Variants in TAB3 observed in about 807,000 individuals in gnomAD.
TAB3 encodes the protein TGF-beta-activated kinase 1 and MAP3K7-binding protein 3.
A neutral mutation model predicts 48.1 loss-of-function variants in TAB3; 18 were observed. The observed-to-expected ratio is 0.37, with a 90% CI of 0.26 to 0.55. The LOEUF is 0.55. TAB3 is among the 20% of genes least tolerant of loss of function. The probability of loss-of-function intolerance (pLI) is 0.78; values close to 1 mark genes in which losing one functional copy is unlikely to be tolerated. For synonymous variants in TAB3, 185 were observed against 190.2 expected (o/e 0.97, Z 0.22); for missense variants, 414 against 549.8 (o/e 0.75, Z 2.47).
intron 1 of TAB3, among the ~76,000 whole-genome samples, chrX:30,876,226 G>C (rs1274931104): frequency 8.9e-6 from 1 of 111,732 alleles, no homozygotes; most frequent in Admixed American, 9.5e-5. Context: ...ATTCCCTTAA[G>C]CAGATGTACA....
chrX:30,854,214 T>C lies in TAB3; in HGVS notation c.1451A>G (p.Gln484Arg), dbSNP rs776130541. ...AGAGCCTGGTATCACTGAAATGGGCTGAATAGGTTCTGGTGCTGCAGAGCG... is the reference window on the plus strand; with the variant it reads ...AGAGCCTGGTATCACTGAAATGGGCCGAATAGGTTCTGGTGCTGCAGAGCG... ...EERSAAPEPIQPISVIPGSGG... is the reference protein window; with the variant it reads ...EERSAAPEPIRPISVIPGSGG... Residue 484 changes from glutamine (Q) to arginine (R), a missense_variant, in exon 6 of 11, where the codon CAG becomes CGG. By Grantham distance (43) the Gln-to-Arg change is conservative (BLOSUM62 1). Transcript: ENST00000288422. 1.7e-6 allele frequency: 2 copies of C among 1,209,935 alleles called. No individual in the cohort carries two copies. The highest frequency in any genetic ancestry group is 3.5e-5 in the African/African-American group (2 of 57,151).
chrX:30,842,546 A>T (rs933719731), intron 9 of TAB3, among the ~76,000 whole-genome samples: 2 of 112,166 alleles, frequency 1.8e-5, no homozygotes, highest in African/African-American at 6.5e-5. Flanking sequence ...TAATTTCAGT[A>T]CTTTTTAAAA....
chrX:30,848,131 A>G (rs767408698), intron 7 of TAB3, among the ~76,000 whole-genome samples: 1 of 112,173 alleles, frequency 8.9e-6, no homozygotes, highest in Admixed American at 9.5e-5. Flanking sequence ...AGGATTATCT[A>G]TTCCATAGGT....
intron 8 of TAB3, chrX:30,845,981 T>A (rs1191618326): frequency 2.0e-6 from 2 of 1,005,585 alleles, no homozygotes; most frequent in South Asian, 2.0e-5. Context: ...TGGACATCAG[T>A]CAGTATATTT....
At position 30,867,519 on chromosome X, in the gene TAB3, G is replaced by A. The variant is rs1939447118; in HGVS notation, c.-249C>T. 1.8e-5 allele frequency: 2 copies of A among 111,632 alleles called. No homozygotes were observed. Among genetic ancestry groups the A allele is most frequent in the South Asian group, 7.5e-4 (2 of 2,651 alleles). The allele number at this position is 111,632 out of a possible 1,213,427, so 9.2% of individuals were successfully genotyped here. A position where few individuals can be genotyped will look rare whatever the true frequency, so the allele number is the denominator to read the frequency against. ...AAATTTTATTCACATCTCCAGCTCT[G>A]AAAGCAACTTCTTTTCAGTAGTCTA... is the stretch of plus-strand genomic sequence containing the variant. On this transcript the variant is annotated 5_prime_UTR_variant, in exon 3 of 11. Coordinates refer to ENST00000288422, the MANE Select transcript of TAB3 (RefSeq NM_152787.5).
intron 7 of TAB3, among the ~76,000 whole-genome samples, chrX:30,850,014 C>T (rs1938776632): frequency 8.9e-6 from 1 of 111,749 alleles, no homozygotes; most frequent in Admixed American, 9.5e-5. Context: ...AGAAAAATCC[C>T]GTAAGATGAG....
chrX:30,879,784 G>A, intron 1 of TAB3, among the ~76,000 whole-genome samples: 1 of 111,464 alleles, frequency 9.0e-6, no homozygotes, highest in East Asian at 2.8e-4. Flanking sequence ...ATTTCGAAAG[G>A]AAGAAACAAG....
At chrX:30,862,573 G>C (rs1939282524) in intron 4 of TAB3, among the ~76,000 whole-genome samples, 1 of 111,649 alleles carries the variant, frequency 9.0e-6, no homozygotes, top group Non-Finnish European at 1.9e-5. Flanking sequence ...AGCTTTGTCA[G>C]AGCCTTCAGA....
At chrX:30,866,558 C>T (rs993579154) in intron 4 of TAB3, among the ~76,000 whole-genome samples, 1 of 110,654 alleles carries the variant, frequency 9.0e-6, no homozygotes, top group African/African-American at 3.3e-5. Flanking sequence ...GTCGAAATGA[C>T]ACAGGAGCCA....
At chrX:30,849,222 T>C (rs1284549622) in intron 7 of TAB3, among the ~76,000 whole-genome samples, 1 of 112,359 alleles carries the variant, frequency 8.9e-6, no homozygotes, top group Non-Finnish European at 1.9e-5. Context: ...ATGACATCTT[T>C]GTCAGCATTT....
rs761958396 is a variant in TAB3 at position 30,868,615 on chromosome X, AGAGC to A, written c.-279-1070_-279-1067del. ...GAGAGAGAGAGAGAGAGAGAGAGAGAGAGCGCGTGGGGGGGAGAGACAGAGAGAG... is the reference window on the plus strand; with the variant it reads ...GAGAGAGAGAGAGAGAGAGAGAGAGAGCGTGGGGGGGAGAGACAGAGAGAG... On this transcript the variant is annotated intron_variant, in intron 2 of 10. Transcript: ENST00000288422. 5.9e-3 allele frequency among the ~76,000 whole-genome samples: 428 copies of A among 72,405 alleles called. 113 individuals are homozygous for A. The highest frequency in any genetic ancestry group is 7.4e-3 in the African/African-American group (138 of 18,532). The allele number at this position is 72,405 out of a possible 115,157, so 62.9% of individuals were successfully genotyped here. A position where few individuals can be genotyped will look rare whatever the true frequency, so the allele number is the denominator to read the frequency against.
rs1214818376 is a variant in TAB3, at chrX:30,854,237, G to A, written c.1428C>T (p.Arg476=). ...NLLNLVDQEE[R]SAAPEPIQPI... ...GCTGAATAGGTTCTGGTGCTGCAGA[G>A]CGCTCTTCTTGGTCCACTAAATTTA... Residue 476 remains arginine (R), a synonymous_variant, in exon 6 of 11, where the codon CGC becomes CGT. Coordinates refer to ENST00000288422, the MANE Select transcript of TAB3 (RefSeq NM_152787.5). The A allele has an allele frequency of 1.7e-6, 2 of 1,211,704 alleles. No homozygotes were observed. Among genetic ancestry groups the A allele is most frequent in the Non-Finnish European group, 2.2e-6 (2 of 895,557 alleles).
At chrX:30,839,547 G>C (rs1441830595) in intron 9 of TAB3, among the ~76,000 whole-genome samples, 1 of 110,647 alleles carries the variant, frequency 9.0e-6, no homozygotes, top group Non-Finnish European at 1.9e-5. Context: ...AAAAAAGATG[G>C]GGTACAACAC....
chrX:30,846,418 G>T (rs1410633178), intron 8 of TAB3, 133 bp downstream of exon 8: 1 of 446,668 alleles, frequency 2.2e-6, no homozygotes, highest in East Asian at 3.9e-5. Context: ...GGGACAGGGG[G>T]ATCTCTTTCC....
chrX:30,883,338 C>T (rs5972257), intron 1 of TAB3, among the ~76,000 whole-genome samples: 12,615 of 111,538 alleles, frequency 0.11, 1,606 homozygotes, highest in African/African-American at 0.38. Flanking sequence ...TGCACTCACT[C>T]ATGGGTCAGA....
At chrX:30,838,107 C>CT (rs920429373) in intron 9 of TAB3, among the ~76,000 whole-genome samples, 2 of 110,824 alleles carry the variant, frequency 1.8e-5, no homozygotes, top group East Asian at 2.8e-4. Flanking sequence ...TAGTCTAAGA[C>CT]TTTTTTTTCC....
intron 10 of TAB3, among the ~76,000 whole-genome samples, chrX:30,832,189 T>C (rs1601791364): frequency 8.9e-6 from 1 of 112,538 alleles, no homozygotes; most frequent in South Asian, 3.7e-4. Flanking sequence ...TTTATTCTCA[T>C]ATTCTTTCCT....
intron 1 of TAB3, among the ~76,000 whole-genome samples, chrX:30,872,080 C>T (rs1271098360): frequency 8.9e-6 from 1 of 111,962 alleles, no homozygotes; most frequent in Non-Finnish European, 1.9e-5. Context: ...GAGATTTTAG[C>T]TTCGGAGAAA....
Position 30,859,539 on chromosome X carries a change from C to T in TAB3, c.50G>A (p.Arg17Gln), listed in dbSNP as rs1214932957. 2.5e-6 allele frequency: 3 copies of T among 1,208,472 alleles called. No homozygotes were observed. The highest frequency in any genetic ancestry group is 2.2e-5 in the Admixed American group (1 of 45,565). Residue 17 changes from arginine (R) to glutamine (Q), a missense_variant, in exon 5 of 11, where the codon CGA becomes CAA. Transcript: ENST00000288422. ...CTCTGGAATTTCAGGGAAACGTTGT[C>T]GAAGATCATGGAGAACCTGAATATC... ...QLDIQVLHDL[R>Q]QRFPEIPEGV...
Sources: allele counts gnomAD v4.1 joint callset (sites outside exome capture counted in the v4.1 genomes callset), GRCh38; gene constraint gnomAD v4.1.1; transcripts MANE v1.5; gene names NCBI Gene and HGNC (gene_info 2026-07-23, HGNC 2026-07-21).